MAP2: variants seen among roughly 807,000 people sequenced by gnomAD.
The protein encoded by MAP2 is microtubule associated protein 2, also known as microtubule-associated protein 2.
In MAP2, 14 loss-of-function variants were observed where a neutral mutation model predicts 137.6. That is an observed-to-expected ratio of 0.10 (90% CI 0.07 to 0.16). The LOEUF (loss-of-function observed/expected upper bound fraction) is 0.16, where lower values mean the gene tolerates loss of function less well. MAP2 is among the 10% of genes least tolerant of loss of function. The probability of loss-of-function intolerance (pLI) is 1.00; values close to 1 mark genes in which losing one functional copy is unlikely to be tolerated. For missense variants in MAP2, 2,088 were observed against 2,191.5 expected, an observed-to-expected ratio of 0.95 and a Z score of 0.94; for synonymous variants, 786 against 782.3, an observed-to-expected ratio of 1.00 and a Z score of -0.08.
chr2:209,641,898 G>C (rs963324927), intron 4 of MAP2, among the ~76,000 whole-genome samples: 5 of 152,072 alleles, frequency 3.3e-5, no homozygotes, highest in Non-Finnish European at 5.9e-5. Context: ...ATGGTAGGTT[G>C]TTACCAATCG....
At chr2:209,590,087 G>A (rs947518634) in intron 3 of MAP2, among the ~76,000 whole-genome samples, 1 of 152,178 alleles carries the variant, frequency 6.6e-6, no homozygotes, top group Non-Finnish European at 1.5e-5. Flanking sequence ...GCTCAGTGCA[G>A]CGACCCACCT....
intron 2 of MAP2, among the ~76,000 whole-genome samples, chr2:209,553,723 A>G (rs1389999684): frequency 6.6e-6 from 1 of 152,110 alleles, no homozygotes; most frequent in Non-Finnish European, 1.5e-5. Flanking sequence ...CACTTATTTA[A>G]TTTGTCCTCA....
In MAP2 at chr2:209,695,601, C is replaced by G. The variant is rs1422337434; in HGVS notation, c.3431C>G (p.Ser1144Cys). 1.2e-6 allele frequency: 2 copies of G among 1,613,742 alleles called. No individual in the cohort carries two copies. Among genetic ancestry groups the G allele is most frequent in the Non-Finnish European group, 1.7e-6 (2 of 1,179,896 alleles). The change falls in exon 8 of 16, where the codon TCC becomes TGC. Residue 1144 changes from serine to cysteine, a missense_variant. Physicochemically the swap from Ser to Cys is moderately radical, Grantham distance 112. Transcript: ENST00000682079. ...GAGCATGAAAGTCTCACCATGGAGT[C>G]CTTGAAAGCTGATGAGGGCAAGAAG... ...SGEHESLTMESLKADEGKKET... is the reference protein window; with the variant it reads ...SGEHESLTMECLKADEGKKET...
At chr2:209,546,800 G>T (rs1433392189) in intron 2 of MAP2, among the ~76,000 whole-genome samples, 1 of 152,166 alleles carries the variant, frequency 6.6e-6, no homozygotes, top group Non-Finnish European at 1.5e-5. Context: ...AAATAATCCA[G>T]ATTTTAGAAG....
intron 5 of MAP2, among the ~76,000 whole-genome samples, chr2:209,663,329 G>C (rs1490116096): frequency 6.6e-6 from 1 of 152,124 alleles, no homozygotes; most frequent in Non-Finnish European, 1.5e-5. Flanking sequence ...TTGCAGACCT[G>C]GTAGCTTCAG....
chr2:209,656,332 A>G (rs914208428), intron 5 of MAP2, among the ~76,000 whole-genome samples: 2 of 151,992 alleles, frequency 1.3e-5, no homozygotes, highest in Admixed American at 1.3e-4. Flanking sequence ...TCTGGGCAAC[A>G]TGGCAAAACC....
intron 13 of MAP2, among the ~76,000 whole-genome samples, chr2:209,716,856 G>A (rs997173634): frequency 1.3e-5 from 2 of 151,956 alleles, no homozygotes; most frequent in Admixed American, 1.3e-4. Flanking sequence ...GGTACTACTT[G>A]GAGCATGATA....
chr2:209,652,245 C>T (rs2094852552), intron 4 of MAP2, among the ~76,000 whole-genome samples: 1 of 152,156 alleles, frequency 6.6e-6, no homozygotes, highest in Admixed American at 6.6e-5. Context: ...ACTCATTCAT[C>T]CTTTGCTATA....
intron 1 of MAP2, among the ~76,000 whole-genome samples, chr2:209,450,746 A>G (rs1213439664): frequency 2.0e-5 from 3 of 152,170 alleles, no homozygotes; most frequent in Non-Finnish European, 4.4e-5. Context: ...AGCTCATTGG[A>G]AAGTCTGACT....
chr2:209,519,910 C>G (rs2063033349), intron 2 of MAP2, among the ~76,000 whole-genome samples: 1 of 151,968 alleles, frequency 6.6e-6, no homozygotes, highest in Admixed American at 6.6e-5. Flanking sequence ...GAGGGTAGTT[C>G]TGCTCATATT....
chr2:209,465,761 C>A (rs13027312), intron 1 of MAP2, among the ~76,000 whole-genome samples: 66 of 152,292 alleles, frequency 4.3e-4, no homozygotes, highest in Non-Finnish European at 7.5e-4. Flanking sequence ...ACCCTTAGGT[C>A]TAAAACACAT....
At chr2:209,465,081 T>C (rs1703796431) in intron 1 of MAP2, among the ~76,000 whole-genome samples, 1 of 152,090 alleles carries the variant, frequency 6.6e-6, no homozygotes, top group Admixed American at 6.6e-5. Context: ...TTAGTTTTTT[T>C]CCAAAGGTCG....
intron 2 of MAP2, among the ~76,000 whole-genome samples, chr2:209,517,861 G>T (rs1278509315): frequency 7.2e-6 from 1 of 139,402 alleles, no homozygotes; most frequent in Admixed American, 6.9e-5. Flanking sequence ...TAACCAAACA[G>T]ATTTTTTTTT....
At chr2:209,677,938 T>A (rs1444472961) in intron 5 of MAP2, among the ~76,000 whole-genome samples, 4 of 152,030 alleles carry the variant, frequency 2.6e-5, no homozygotes, top group Admixed American at 1.3e-4. Flanking sequence ...TTATTTTCAC[T>A]GATCCTGGAT....
chr2:209,477,155 G>A (rs1244142218), intron 1 of MAP2, among the ~76,000 whole-genome samples: 1 of 152,182 alleles, frequency 6.6e-6, no homozygotes, highest in African/African-American at 2.4e-5. Flanking sequence ...TACTGCACAA[G>A]TGTTAGTTTC....
intron 5 of MAP2, among the ~76,000 whole-genome samples, chr2:209,674,759 T>C (rs1194874224): frequency 6.6e-6 from 1 of 151,868 alleles, no homozygotes; most frequent in Non-Finnish European, 1.5e-5. Flanking sequence ...GTCTGATTTT[T>C]TGACTGTCTT....
intron 4 of MAP2, among the ~76,000 whole-genome samples, chr2:209,625,907 T>C (rs2092231083): frequency 6.6e-6 from 1 of 152,164 alleles, no homozygotes; most frequent in Non-Finnish European, 1.5e-5. Flanking sequence ...TACATCTTTC[T>C]TTAAACTCAA....
intron 1 of MAP2, among the ~76,000 whole-genome samples, chr2:209,498,993 T>C (rs1192981680): frequency 6.6e-6 from 1 of 152,218 alleles, no homozygotes; most frequent in African/African-American, 2.4e-5. Flanking sequence ...CACAGCCTGC[T>C]TGAATTCCTC....
At chr2:209,609,119 A>G (rs573590216) in intron 3 of MAP2, among the ~76,000 whole-genome samples, 2 of 152,084 alleles carry the variant, frequency 1.3e-5, no homozygotes, top group Non-Finnish European at 2.9e-5. Flanking sequence ...ATTTTTAAAT[A>G]AGATCTAAGT....
Sources: allele counts gnomAD v4.1 joint callset (sites outside exome capture counted in the v4.1 genomes callset), GRCh38; gene constraint gnomAD v4.1.1; transcripts MANE v1.5; gene names NCBI Gene and HGNC (gene_info 2026-07-23, HGNC 2026-07-21).